Variants in GNB1L observed in about 807,000 individuals in gnomAD.
GNB1L encodes G protein subunit beta 1 like, also known as guanine nucleotide-binding protein subunit beta-like protein 1.
GNB1L carries 20 observed loss-of-function variants against 29.1 expected under a neutral mutation model. The observed-to-expected ratio is 0.69, with a 90% CI of 0.48 to 1.00. GNB1L has a LOEUF of 1.00. GNB1L is among the 50% of genes least tolerant of loss of function. The pLI, the probability that GNB1L is intolerant of heterozygous loss-of-function variation, is 0.00. For missense variants in GNB1L, 421 were observed against 464.9 expected (o/e 0.91, Z 0.87); for synonymous variants, 193 against 206.5 (o/e 0.93, Z 0.56).
chr22:19,821,736 C>T (rs367562292), intron 2 of GNB1L, among the ~76,000 whole-genome samples: 15 of 152,324 alleles, frequency 9.8e-5, no homozygotes, highest in South Asian at 6.2e-4. Flanking sequence ...GTGGGCACAG[C>T]GGCATCCAAC....
intron 7 of GNB1L, among the ~76,000 whole-genome samples, chr22:19,793,464 G>GTT (rs1937274009): frequency 6.6e-6 from 1 of 152,158 alleles, no homozygotes; most frequent in African/African-American, 2.4e-5. Flanking sequence ...ATCAAACTGT[G>GTT]TAACTCATAG....
chr22:19,851,803 C>T lies in GNB1L; in HGVS notation c.-21+2640G>A, dbSNP rs1264958900. 4.3e-6 allele frequency: 7 copies of T among 1,613,962 alleles called. No individual in the cohort carries two copies. In the Admixed American group the frequency reaches 1.0e-4, roughly 23 times the overall value. On this transcript the variant is annotated intron_variant, in intron 2 of 7. Coordinates refer to ENST00000329517, the MANE Select transcript of GNB1L (RefSeq NM_053004.3). The stretch of plus-strand genomic sequence containing the variant: ...GGTCCCCATCAAGGTAGGGGGCTGC[C>T]CAGGCCTGGGCTCGGCCTGTTAGGC...
chr22:19,835,716 C>G (rs1937754629), intron 2 of GNB1L, among the ~76,000 whole-genome samples: 1 of 152,028 alleles, frequency 6.6e-6, no homozygotes, highest in African/African-American at 2.4e-5. Flanking sequence ...ACAAAGTATG[C>G]TCTCTGATCA....
rs537842362 is a variant in GNB1L, at chr22:19,854,816, T to A, written c.-118+4A>T. The A allele has an allele frequency of 6.6e-6, 1 of 152,324 alleles. No homozygotes were observed. Among genetic ancestry groups the A allele is most frequent in the Non-Finnish European group, 1.5e-5 (1 of 68,140 alleles). The allele number at this position is 152,324 out of a possible 1,614,324, so 9.4% of individuals were successfully genotyped here. A position where few individuals can be genotyped will look rare whatever the true frequency, so the allele number is the denominator to read the frequency against. ...GCCGCCCGGGCTCCCGCCTCCACAC[T>A]GACCCTCTTGCCGGAGTCGGGAACG... On this transcript the variant is annotated splice_donor_region_variant and intron_variant, in intron 1 of 7. Transcript: ENST00000329517.
chr22:19,848,492 T>A (rs1445259200), intron 2 of GNB1L: 1 of 985,410 alleles, frequency 1.0e-6, no homozygotes, highest in African/African-American at 1.7e-5. Context: ...AGGAGCTGTG[T>A]GCACTGCCTG....
At chr22:19,830,951 A>C (rs1049700881) in intron 2 of GNB1L, among the ~76,000 whole-genome samples, 1 of 152,254 alleles carries the variant, frequency 6.6e-6, no homozygotes, top group African/African-American at 2.4e-5. Flanking sequence ...ATATAAAATC[A>C]GATCCATATC....
At chr22:19,828,079 A>T (rs1318634256) in intron 2 of GNB1L, among the ~76,000 whole-genome samples, 1 of 152,236 alleles carries the variant, frequency 6.6e-6, no homozygotes, top group Non-Finnish European at 1.5e-5. Flanking sequence ...CTGAAGACAC[A>T]GACAGAAATA....
At chr22:19,797,342 G>A (rs1250773632) in intron 7 of GNB1L, among the ~76,000 whole-genome samples, 1 of 151,918 alleles carries the variant, frequency 6.6e-6, no homozygotes, top group Non-Finnish European at 1.5e-5. Context: ...GTCACACACG[G>A]GAGGGGGGGT....
intron 5 of GNB1L, among the ~76,000 whole-genome samples, chr22:19,808,623 G>A (rs558222673): frequency 6.6e-6 from 1 of 152,336 alleles, no homozygotes; most frequent in East Asian, 1.9e-4. Flanking sequence ...CCAAGACGAG[G>A]TGCCACTGAG....
At chr22:19,789,507 T>G (rs2145858345) in intron 7 of GNB1L, among the ~76,000 whole-genome samples, 3 of 125,394 alleles carry the variant, frequency 2.4e-5, no homozygotes, top group African/African-American at 6.0e-5. Flanking sequence ...GTTGGCAGGA[T>G]GAGGGGGGGA....
Position 19,806,719 on chromosome 22 carries a change from G to T in GNB1L, c.456C>A (p.Cys152Ter). The T allele has an allele frequency of 6.2e-7, 1 of 1,613,478 alleles. No homozygotes were observed. The highest frequency in any genetic ancestry group is 8.5e-7 in the Non-Finnish European group (1 of 1,179,654). Reference sequence around the variant, plus strand: ...TGGCATCTGCCTTCGGCTTCAGGGCGCACACTGACGTCTTGGAGGGCATCT... The same window carrying T: ...TGGCATCTGCCTTCGGCTTCAGGGCTCACACTGACGTCTTGGAGGGCATCT... ...ILEMPSKTSVCALKPKADAKL... is the reference protein window; with the variant it reads ...ILEMPSKTSV Residue 152 changes from cysteine to a stop codon, truncating the protein, a stop_gained, in exon 6 of 8, where the codon TGC (cysteine) becomes TGA (stop). Transcript: ENST00000329517. LOFTEE classifies it high-confidence loss of function.
intron 2 of GNB1L, chr22:19,846,528 C>G: frequency 1.0e-6 from 1 of 985,506 alleles, no homozygotes; most frequent in Non-Finnish European, 1.2e-6. Flanking sequence ...ATAGCGCTGC[C>G]AGGAACAGCA....
At chr22:19,807,729 C>G (rs1327436306) in intron 5 of GNB1L, among the ~76,000 whole-genome samples, 1 of 152,198 alleles carries the variant, frequency 6.6e-6, no homozygotes, top group East Asian at 1.9e-4. Flanking sequence ...GAACTCATAC[C>G]AGTTGGTCCA....
intron 2 of GNB1L, chr22:19,849,796 T>C (rs928832773): frequency 7.1e-6 from 7 of 985,372 alleles, no homozygotes; most frequent in Middle Eastern, 5.2e-4. Flanking sequence ...GTTTTCACAA[T>C]TGTAAACCTG....
chr22:19,853,509 C>T lies in GNB1L; in HGVS notation c.-21+934G>A, dbSNP rs573804692. On this transcript the variant is annotated intron_variant, in intron 2 of 7. Transcript: ENST00000329517. ...ACGACCTCCAGGAAACTCTCTGCTT[C>T]ACCCCACACACAAACGCCACCGGCT... Among the ~76,000 whole-genome samples, 5 of 152,300 alleles carry T rather than the reference C, an allele frequency of 3.3e-5. No individual in the cohort carries two copies. The South Asian group carries it at 1.0e-3, about 32-fold the overall frequency.
At chr22:19,801,185 T>G (rs969954459) in intron 7 of GNB1L, among the ~76,000 whole-genome samples, 1 of 152,164 alleles carries the variant, frequency 6.6e-6, no homozygotes, top group Admixed American at 6.5e-5. Context: ...CCCACTAGAC[T>G]GGGCAATCTG....
intron 5 of GNB1L, among the ~76,000 whole-genome samples, chr22:19,810,875 G>C (rs1937491948): frequency 6.6e-6 from 1 of 152,344 alleles, no homozygotes; most frequent in Non-Finnish European, 1.5e-5. Flanking sequence ...CCCACAGGGA[G>C]AGCTGAAAGC....
intron 5 of GNB1L, among the ~76,000 whole-genome samples, chr22:19,809,761 C>G (rs149101597): frequency 1.6e-4 from 25 of 152,320 alleles, no homozygotes; most frequent in African/African-American, 6.0e-4. Flanking sequence ...ATTTCACAAC[C>G]TGTTTTCCCC....
rs1937186101 is a variant in GNB1L at position 19,785,630 on chromosome 22, GCCAGGAGTCGCCTCTCAGGTTCATC to G, written c.*3054_*3078del. 1 of 152,252 alleles carries G rather than the reference GCCAGGAGTCGCCTCTCAGGTTCATC, an allele frequency of 6.6e-6. No homozygotes were observed. Among genetic ancestry groups the G allele is most frequent in the Admixed American group, 6.5e-5 (1 of 15,286 alleles). The allele number at this position is 152,252 out of a possible 1,614,324, so 9.4% of individuals were successfully genotyped here. ...CGTGATGGCAGCGACCAGCCATGCT[GCCAGGAGTCGCCTCTCAGGTTCATC>G]CCAGGAGCTGCATGCTGACCTTCGC... is the stretch of plus-strand genomic sequence containing the variant. On this transcript the variant is annotated 3_prime_UTR_variant, in exon 8 of 8. Coordinates refer to ENST00000329517, the MANE Select transcript of GNB1L (RefSeq NM_053004.3). The surrounding 1 kb of genome is among the most constrained non-coding windows in gnomAD (Gnocchi z 4.1).
Sources: allele counts gnomAD v4.1 joint callset (sites outside exome capture counted in the v4.1 genomes callset), GRCh38; gene constraint gnomAD v4.1.1; non-coding constraint Gnocchi (gnomAD v3.1); transcripts MANE v1.5; gene names NCBI Gene and HGNC (gene_info 2026-07-23, HGNC 2026-07-21).